DLL1: variants seen among roughly 807,000 people sequenced by gnomAD.
The protein encoded by DLL1 is delta-like protein 1.
A neutral mutation model predicts 75.1 loss-of-function variants in DLL1; 9 were observed. The ratio of observed to expected loss-of-function variants is 0.12; its 90% CI spans 0.07 to 0.21. DLL1 has a LOEUF of 0.21. Ranked by LOEUF, DLL1 falls within the 10% of genes least tolerant of loss-of-function variation. The pLI, the probability that DLL1 is intolerant of heterozygous loss-of-function variation, is 1.00. For synonymous variants in DLL1, 477 were observed against 418.3 expected (o/e 1.14, Z -1.71); for missense variants, 837 against 1,007.6 (o/e 0.83, Z 2.29).
rs775884511 is a variant in DLL1 at position 170,283,319 on chromosome 6, C to G, written c.1960G>C (p.Val654Leu). Residue 654 changes from valine (V) to leucine (L), a missense_variant, in exon 9 of 11, where the codon GTC becomes CTC. Val to Leu is a conservative substitution (Grantham distance 32). Coordinates refer to ENST00000366756, the MANE Select transcript of DLL1 (RefSeq NM_005618.4). ...TCACGCTTGCTGTGCGCGTCCCTGA[C>G]GGCGGTGTCGTCACCCTTGAGGTCC... is the stretch of plus-strand genomic sequence containing the variant. ...VQDLKGDDTA[V>L]RDAHSKRDTK... 1.9e-6 allele frequency: 3 copies of G among 1,613,032 alleles called. No homozygotes were observed. Among genetic ancestry groups the G allele is most frequent in the Non-Finnish European group, 2.5e-6 (3 of 1,180,046 alleles).
rs375023006 is a variant in DLL1, at chr6:170,283,851, C to T, written c.1428G>A (p.Arg476=). ...ACCTGCTGACGGGGGCACTGCAGTT[C>T]CTGCCCGTGTAGCCAGGCGGGCAGG... The part of the protein sequence containing the change: ...SCTCPPGYTG[R]NCSAPVSRCE... Residue 476 remains arginine (R), a synonymous_variant, in exon 9 of 11, where the codon AGG becomes AGA. Coordinates refer to ENST00000366756, the MANE Select transcript of DLL1 (RefSeq NM_005618.4). 3.9e-4 allele frequency: 629 copies of T among 1,604,960 alleles called. No individual in the cohort carries two copies. Among genetic ancestry groups the T allele is most frequent in the Non-Finnish European group, 5.1e-4 (607 of 1,178,680 alleles).
At position 170,285,965 on chromosome 6, in the gene DLL1, T is replaced by C. The variant is rs553863379; in HGVS notation, c.732-266A>G. ...AGGATGAGGCAACATTTGAGAACCA[T>C]TGAACTATACTATCATTTCCTGTGC... On this transcript the variant is annotated intron_variant, in intron 5 of 10. Coordinates refer to ENST00000366756, the MANE Select transcript of DLL1 (RefSeq NM_005618.4). Among the ~76,000 whole-genome samples, 174 of 152,356 alleles carry C rather than the reference T, an allele frequency of 1.1e-3. 1 individual carries two copies. Among genetic ancestry groups the C allele is most frequent in the African/African-American group, 3.9e-3 (163 of 41,588 alleles).
At position 170,283,749 on chromosome 6, in the gene DLL1, G is replaced by A. The variant is rs376763920; in HGVS notation, c.1530C>T (p.Gly510=). The A allele has an allele frequency of 6.4e-7, 1 of 1,569,824 alleles. No individual in the cohort carries two copies. Among genetic ancestry groups the A allele is most frequent in the Non-Finnish European group, 8.6e-7 (1 of 1,158,314 alleles). The change falls in exon 9 of 11, where the codon GGC becomes GGT. Residue 510 remains glycine, a synonymous_variant. Transcript: ENST00000366756. ...GGAACTGGCAGTTGGGACCCCCGTAGCCTCGGGCACACTCGCACACATAGC... is the reference window on the plus strand; with the variant it reads ...GGAACTGGCAGTTGGGACCCCCGTAACCTCGGGCACACTCGCACACATAGC... ...GHRYVCECAR[G]YGGPNCQFLL...
At chr6:170,284,079 C>G (rs1002552627) in intron 8 of DLL1, 50 bp from the exon 9 acceptor site, 3 of 1,534,556 alleles carry the variant, frequency 2.0e-6, no homozygotes, top group East Asian at 4.9e-5. Flanking sequence ...GGTTTGTTCA[C>G]CAAAAAGTCA....
In DLL1 at chr6:170,282,691, G is replaced by T. The variant is rs538231864; in HGVS notation, c.*183C>A. On this transcript the variant is annotated 3_prime_UTR_variant, in exon 11 of 11. Transcript: ENST00000366756. ...CGGAAGGCAGTGCCGCAGGCGGCCG[G>T]GCCGCGACAGGCTGTCGGCAGGCGT... The T allele has an allele frequency of 4.3e-5, 41 of 960,340 alleles. No homozygotes were observed. The South Asian group carries it at 5.6e-4, about 13-fold the overall frequency. The allele number at this position is 960,340 out of a possible 1,614,324, so 59.5% of individuals were successfully genotyped here. A position where few individuals can be genotyped will look rare whatever the true frequency, so the allele number is the denominator to read the frequency against.
intron 2 of DLL1, chr6:170,289,056 G>A: frequency 1.7e-6 from 1 of 600,478 alleles, no homozygotes; most frequent in South Asian, 1.9e-5. Context: ...ATTAGAGAGA[G>A]AGAGAGAATG....
rs758034914 is a variant in DLL1 at position 170,282,836 on chromosome 6, T to C, written c.*38A>G. 11 of 1,613,820 alleles carry C rather than the reference T, an allele frequency of 6.8e-6. No homozygotes were observed. The South Asian group carries it at 1.2e-4, about 18-fold the overall frequency. Reference sequence around the variant, plus strand: ...CATATATCCTTGGAATTTTACTTATTTTAAGAGAAACGGGAGTCTTGCCAT... The same window carrying C: ...CATATATCCTTGGAATTTTACTTATCTTAAGAGAAACGGGAGTCTTGCCAT... On this transcript the variant is annotated 3_prime_UTR_variant, in exon 11 of 11. Transcript: ENST00000366756.
In DLL1 at chr6:170,282,626, T is replaced by C; in HGVS notation, c.*248A>G. The C allele has an allele frequency of 1.6e-6, 1 of 608,174 alleles. No individual in the cohort carries two copies. Among genetic ancestry groups the C allele is most frequent in the South Asian group, 2.0e-5 (1 of 50,776 alleles). 37.7% of individuals were successfully genotyped at this position (608,174 alleles called of 1,614,324 possible). ...TCAGTTCACCCATTTAAATATATAT[T>C]CTCTTAAGAGCAACTGTCCATAGTG... On this transcript the variant is annotated 3_prime_UTR_variant, in exon 11 of 11. Coordinates refer to ENST00000366756, the MANE Select transcript of DLL1 (RefSeq NM_005618.4).
intron 8 of DLL1, 28 bp downstream of exon 8, chr6:170,284,891 T>C: frequency 6.2e-7 from 1 of 1,609,610 alleles, no homozygotes; most frequent in Non-Finnish European, 8.5e-7. Flanking sequence ...CGCCCGAGTC[T>C]CTGAGCAATC....
Position 170,290,198 on chromosome 6 carries a change from C to T in DLL1, c.-59G>A. 6.4e-7 allele frequency: 1 copy of T among 1,567,588 alleles called. No individual in the cohort carries two copies. Among genetic ancestry groups the T allele is most frequent in the Non-Finnish European group, 8.6e-7 (1 of 1,162,728 alleles). ...CCCACTTCTCTCCTTAGAACAGCGG[C>T]GGACGCGCGGGGGATCGATGGGCCA... On this transcript the variant is annotated 5_prime_UTR_variant, in exon 1 of 11. Transcript: ENST00000366756. The surrounding 1 kb of genome is among the most constrained non-coding windows in gnomAD (Gnocchi z 4.7).
rs199560064 is a variant in DLL1, at chr6:170,283,149, A to G, written c.2049-44T>C. The stretch of plus-strand genomic sequence containing the variant: ...AAATCCACAATGAATGCATGAGAAC[A>G]TTTGGGAAGAGAAACGGAGCAGTGG... On this transcript the variant is annotated intron_variant, in intron 9 of 10. Transcript: ENST00000366756. 46 of 1,613,836 alleles carry G rather than the reference A, an allele frequency of 2.9e-5. No individual in the cohort carries two copies. The East Asian group carries it at 7.4e-4, about 26-fold the overall frequency.
rs146213588 is a variant in DLL1 at position 170,285,269 on chromosome 6, G to A, written c.1017C>T (p.Asn339=). Residue 339 remains asparagine (N), a synonymous_variant, in exon 7 of 11, where the codon AAC becomes AAT. Transcript: ENST00000366756. ...TCCGACTCACCGTGCAGCTCCCTCCGTTCTTACAAGGGCTGGGGTCACACT... is the reference window on the plus strand; with the variant it reads ...TCCGACTCACCGTGCAGCTCCCTCCATTCTTACAAGGGCTGGGGTCACACT... The part of the protein sequence containing the change: ...IDECDPSPCK[N]GGSCTDLENS... 908 of 1,614,154 alleles carry A rather than the reference G, an allele frequency of 5.6e-4. 8 individuals are homozygous for A. The African/African-American group carries it at 9.9e-3, about 18-fold the overall frequency.
At chr6:170,283,134 T>A (rs772531846) in intron 9 of DLL1, 29 bp from the exon 10 acceptor site, 1 of 1,613,848 alleles carries the variant, frequency 6.2e-7, no homozygotes, top group Non-Finnish European at 8.5e-7. Context: ...AAATCCACAA[T>A]GAATGCATGA....
intron 4 of DLL1, 46 bp downstream of exon 4, chr6:170,288,193 C>T (rs1173695649): frequency 4.3e-6 from 7 of 1,613,128 alleles, no homozygotes; most frequent in Admixed American, 1.7e-5. Flanking sequence ...GCGCGCGGTC[C>T]GTGTTCGTGG....
In DLL1 at chr6:170,288,415, C is replaced by G. The variant is rs760131928; in HGVS notation, c.494G>C (p.Ser165Thr). ...GTACTTGAGGTCCGTGCGGCCGCTGCTGTGCAGGTCCTGGGACCACTCCTC... is the reference window on the plus strand; with the variant it reads ...GTACTTGAGGTCCGTGCGGCCGCTGGTGTGCAGGTCCTGGGACCACTCCTC... ...VGEEWSQDLH[S>T]SGRTDLKYSY... Residue 165 changes from serine (S) to threonine (T), a missense_variant, in exon 4 of 11, where the codon AGC becomes ACC. Physicochemically the swap from Ser to Thr is moderately conservative, Grantham distance 58. Around this residue, in one of 2 missense-constraint regions of DLL1, gnomAD observed 304 missense variants for 461.9 expected, o/e 0.66. Transcript: ENST00000366756. 6.2e-7 allele frequency: 1 copy of G among 1,614,096 alleles called. No individual in the cohort carries two copies. The highest frequency in any genetic ancestry group is 8.5e-7 in the Non-Finnish European group (1 of 1,180,054).
At chr6:170,285,465 C>A (rs765291940) in intron 6 of DLL1, 42 bp from the exon 7 acceptor site, 49 of 1,613,944 alleles carry the variant, frequency 3.0e-5, no homozygotes, top group Non-Finnish European at 3.7e-5. Context: ...ATAGGAAGCT[C>A]GACATCAAAT....
rs144070852 is a variant in DLL1 at position 170,283,311 on chromosome 6, G to A, written c.1968C>T (p.Asp656=). Residue 656 remains aspartate, a synonymous_variant, in exon 9 of 11, where the codon GAC becomes GAT. Coordinates refer to ENST00000366756, the MANE Select transcript of DLL1 (RefSeq NM_005618.4). ...ACTTGGTGTCACGCTTGCTGTGCGC[G>A]TCCCTGACGGCGGTGTCGTCACCCT... ...DLKGDDTAVR[D]AHSKRDTKCQ... 225 of 1,613,162 alleles carry A rather than the reference G, an allele frequency of 1.4e-4. No homozygotes were observed. The highest frequency in any genetic ancestry group is 5.0e-4 in the Admixed American group (30 of 60,028).
intron 8 of DLL1, 27 bp from the exon 9 acceptor site, chr6:170,284,056 G>T: frequency 6.5e-7 from 1 of 1,543,184 alleles, no homozygotes; most frequent in Non-Finnish European, 8.7e-7. Context: ...TGAACATCAC[G>T]TGTCTCCTCG....
In DLL1 at chr6:170,283,830, G is replaced by A; in HGVS notation, c.1449C>T (p.Ser483=). 1.2e-6 allele frequency: 2 copies of A among 1,600,598 alleles called. No homozygotes were observed. The highest frequency in any genetic ancestry group is 1.1e-5 in the South Asian group (1 of 89,958). ...TGTGGCAGGGTGCGTGCTCGCACCT[G>A]CTGACGGGGGCACTGCAGTTCCTGC... ...YTGRNCSAPV[S]RCEHAPCHNG... The change falls in exon 9 of 11, where the codon AGC becomes AGT. Residue 483 remains serine (S), a synonymous_variant. Coordinates refer to ENST00000366756, the MANE Select transcript of DLL1 (RefSeq NM_005618.4).
Sources: allele counts gnomAD v4.1 joint callset (sites outside exome capture counted in the v4.1 genomes callset), GRCh38; gene constraint gnomAD v4.1.1; regional missense constraint gnomAD v4.1.1; non-coding constraint Gnocchi (gnomAD v3.1); transcripts MANE v1.5; gene names NCBI Gene and HGNC (gene_info 2026-07-23, HGNC 2026-07-21).